NBEA: variants seen among roughly 807,000 people sequenced by gnomAD.
The protein encoded by NBEA is lysosomal-trafficking regulator 2.
Under a neutral mutation model 343.4 loss-of-function variants are expected in NBEA, and 44 were observed. The observed-to-expected ratio is 0.13, with a 90% CI of 0.10 to 0.16. The LOEUF is 0.16. NBEA is among the 10% of genes least tolerant of loss of function. The pLI is 1.00. For synonymous variants in NBEA, 1,175 were observed against 1,238.7 expected, an observed-to-expected ratio of 0.95 and a Z score of 1.08; for missense variants, 2,555 against 3,631.3, an observed-to-expected ratio of 0.70 and a Z score of 7.62.
chr13:35,010,561 A>G (rs2061447800), intron 1 of NBEA, among the ~76,000 whole-genome samples: 1 of 138,290 alleles, frequency 7.2e-6, no homozygotes, highest in South Asian at 2.4e-4. Flanking sequence ...AGCCTGGGCG[A>G]TGGAGACCCT....
chr13:35,567,588 C>T (rs2080193042), intron 45 of NBEA, among the ~76,000 whole-genome samples: 1 of 152,146 alleles, frequency 6.6e-6, no homozygotes, highest in Non-Finnish European at 1.5e-5. Flanking sequence ...GTTTGAAATT[C>T]AGTGAAGAAC....
chr13:35,324,907 G>T (rs2038434770), intron 36 of NBEA, among the ~76,000 whole-genome samples: 1 of 151,960 alleles, frequency 6.6e-6, no homozygotes, highest in Non-Finnish European at 1.5e-5. Context: ...TGGCTTTTTT[G>T]GTGAAAATTA....
chr13:35,428,771 A>G (rs1374314135), intron 38 of NBEA, among the ~76,000 whole-genome samples: 3 of 152,168 alleles, frequency 2.0e-5, no homozygotes, highest in African/African-American at 4.8e-5. Context: ...TTGATATGAC[A>G]AGTGATTTTA....
chr13:35,268,813 C>T (rs2033898773), intron 34 of NBEA, among the ~76,000 whole-genome samples: 1 of 151,920 alleles, frequency 6.6e-6, no homozygotes, highest in Admixed American at 6.6e-5. Context: ...GAAGAAAAAT[C>T]ACATCACTTG....
At chr13:35,277,000 G>C (rs894221038) in intron 34 of NBEA, among the ~76,000 whole-genome samples, 7 of 152,056 alleles carry the variant, frequency 4.6e-5, no homozygotes, top group Non-Finnish European at 8.8e-5. Context: ...CAGAGTAATG[G>C]AAAGCATGCA....
intron 41 of NBEA, among the ~76,000 whole-genome samples, chr13:35,518,475 A>G (rs2077569975): frequency 6.6e-6 from 1 of 152,190 alleles, no homozygotes; most frequent in East Asian, 1.9e-4. Context: ...GTGGTTTTCC[A>G]CTGTGCCACA....
chr13:35,273,616 G>A (rs2034347912), intron 34 of NBEA, among the ~76,000 whole-genome samples: 1 of 152,016 alleles, frequency 6.6e-6, no homozygotes, highest in African/African-American at 2.4e-5. Context: ...TAGACTGCTA[G>A]CAAGACTAAT....
intron 1 of NBEA, among the ~76,000 whole-genome samples, chr13:35,039,672 G>T (rs557084975): frequency 6.6e-6 from 1 of 152,220 alleles, no homozygotes; most frequent in African/African-American, 2.4e-5. Flanking sequence ...GCCATGTAAG[G>T]TTAAGTGGTG....
intron 38 of NBEA, among the ~76,000 whole-genome samples, chr13:35,383,158 G>T (rs752463670): frequency 6.6e-6 from 1 of 152,106 alleles, no homozygotes; most frequent in Non-Finnish European, 1.5e-5. Context: ...GGCTTTAGTG[G>T]AGGTAAATCA....
At chr13:35,296,862 A>G (rs910461637) in intron 35 of NBEA, among the ~76,000 whole-genome samples, 3 of 152,062 alleles carry the variant, frequency 2.0e-5, no homozygotes, top group Non-Finnish European at 4.4e-5. Context: ...CTATCATATA[A>G]TAAGTAGTTT....
intron 38 of NBEA, among the ~76,000 whole-genome samples, chr13:35,402,418 A>G (rs1195306140): frequency 6.6e-6 from 1 of 152,080 alleles, no homozygotes; most frequent in African/African-American, 2.4e-5. Flanking sequence ...TGCCATATGG[A>G]TGCTGAACTA....
intron 36 of NBEA, among the ~76,000 whole-genome samples, chr13:35,313,573 T>C (rs1308963597): frequency 6.6e-6 from 1 of 152,192 alleles, no homozygotes; most frequent in African/African-American, 2.4e-5. Context: ...GAGGTCATGA[T>C]GATCTCATCC....
chr13:35,541,998 A>G (rs1281605866), intron 41 of NBEA, among the ~76,000 whole-genome samples: 1 of 152,110 alleles, frequency 6.6e-6, no homozygotes, highest in Non-Finnish European at 1.5e-5. Flanking sequence ...GAGGTCTCAC[A>G]GCTAGTAAGA....
intron 1 of NBEA, among the ~76,000 whole-genome samples, chr13:35,013,141 T>C (rs2061540972): frequency 1.3e-5 from 2 of 152,214 alleles, no homozygotes; most frequent in Admixed American, 6.5e-5. Flanking sequence ...TTAATAGATA[T>C]ATAATAGTTT....
chr13:35,075,223 G>A (rs2064060322), intron 10 of NBEA, among the ~76,000 whole-genome samples: 1 of 152,050 alleles, frequency 6.6e-6, no homozygotes, highest in South Asian at 2.1e-4. Context: ...ATTTTAATAA[G>A]TGCCAACTTT....
chr13:35,058,979 G>A (rs1454271961), intron 8 of NBEA, 116 bp downstream of exon 8: 42 of 873,564 alleles, frequency 4.8e-5, no homozygotes, highest in Middle Eastern at 3.9e-4. Flanking sequence ...CTATTTTTTG[G>A]AATGTAGTCA....
Position 35,044,603 on chromosome 13 carries a change from GGTGTGTGTGTGT to G in NBEA, c.527-313_527-302del, listed in dbSNP as rs3045194. Among the ~76,000 whole-genome samples the G allele has an allele frequency of 8.3e-4, 119 of 142,594 alleles. No homozygotes were observed. In the South Asian group the frequency reaches 0.02, roughly 24 times the overall value. 93.5% of individuals were successfully genotyped at this position (142,594 alleles called of 152,430 possible). On this transcript the variant is annotated intron_variant, in intron 2 of 58. Coordinates refer to ENST00000379939, the MANE Select transcript of NBEA (RefSeq NM_001385012.1). Reference sequence around the variant, plus strand: ...CCCTGCACACAGCAGGCTGTGTTGTGGTGTGTGTGTGTGTGTGTGTGTGTGTGTGTGTGTGTG... The same window carrying G: ...CCCTGCACACAGCAGGCTGTGTTGTGGTGTGTGTGTGTGTGTGTGTGTGTG...
At chr13:35,415,159 G>A (rs1313764789) in intron 38 of NBEA, among the ~76,000 whole-genome samples, 6 of 152,040 alleles carry the variant, frequency 3.9e-5, no homozygotes, top group African/African-American at 7.2e-5. Flanking sequence ...GTAGATTGCA[G>A]AAATTTTCTC....
chr13:35,135,195 T>A (rs1253387534), intron 17 of NBEA, among the ~76,000 whole-genome samples: 1 of 152,078 alleles, frequency 6.6e-6, no homozygotes. Flanking sequence ...ATAGTTTCCG[T>A]GTAAACATTG....
Sources: allele counts gnomAD v4.1 joint callset (sites outside exome capture counted in the v4.1 genomes callset), GRCh38; gene constraint gnomAD v4.1.1; transcripts MANE v1.5; gene names NCBI Gene and HGNC (gene_info 2026-07-23, HGNC 2026-07-21).